PDS5B: variants seen among roughly 807,000 people sequenced by gnomAD.
PDS5B encodes sister chromatid cohesion protein PDS5 homolog B.
Under a neutral mutation model 184.1 loss-of-function variants are expected in PDS5B, and 51 were observed. That is an observed-to-expected ratio of 0.28 (90% CI 0.22 to 0.35). The LOEUF (loss-of-function observed/expected upper bound fraction) is 0.35. PDS5B is among the 10% of genes least tolerant of loss of function. PDS5B has a pLI of 1.00. For synonymous variants in PDS5B, 566 were observed against 569.2 expected (o/e 0.99, Z 0.08); for missense variants, 1,180 against 1,723.3 (o/e 0.68, Z 5.58).
intron 6 of PDS5B, among the ~76,000 whole-genome samples, chr13:32,662,748 A>G (rs1950683306): frequency 6.6e-6 from 1 of 152,144 alleles, no homozygotes; most frequent in African/African-American, 2.4e-5. Context: ...CAAGGAAGAA[A>G]GTAGTGAATA....
At chr13:32,649,529 G>A (rs1176338398) in intron 2 of PDS5B, 9 of 152,132 alleles carry the variant, frequency 5.9e-5, no homozygotes, top group Admixed American at 4.6e-4. Flanking sequence ...GAGCATTTCC[G>A]ATCGAGGTTG....
chr13:32,591,263 G>T (rs2140458855), intron 1 of PDS5B, among the ~76,000 whole-genome samples: 1 of 152,112 alleles, frequency 6.6e-6, no homozygotes, highest in East Asian at 1.9e-4. Flanking sequence ...TGAGTAACTG[G>T]GACTACAGGC....
At chr13:32,673,397 T>G (rs1360549816) in intron 8 of PDS5B, 41 bp downstream of exon 8, 3 of 1,520,744 alleles carry the variant, frequency 2.0e-6, no homozygotes, top group African/African-American at 2.8e-5. Context: ...ACCAAGTTAT[T>G]AGCAAAGAGC....
intron 1 of PDS5B, among the ~76,000 whole-genome samples, chr13:32,626,216 C>G (rs1219028737): frequency 2.0e-5 from 3 of 152,166 alleles, no homozygotes; most frequent in African/African-American, 7.2e-5. Context: ...ATAATCCCTT[C>G]CCTACTGAGT....
chr13:32,626,383 T>C (rs907118662), intron 1 of PDS5B, among the ~76,000 whole-genome samples: 1 of 152,226 alleles, frequency 6.6e-6, no homozygotes, highest in Non-Finnish European at 1.5e-5. Context: ...AAAAGAGGGC[T>C]CATCTGCTAA....
chr13:32,623,661 A>G (rs1185220747), intron 1 of PDS5B, among the ~76,000 whole-genome samples: 1 of 152,070 alleles, frequency 6.6e-6, no homozygotes, highest in African/African-American at 2.4e-5. Context: ...TGATTGTTAT[A>G]AATTTCATTT....
Position 32,766,236 on chromosome 13 carries a change from T to C in PDS5B, c.3624+1642T>C, listed in dbSNP as rs1202330882. 1.2e-4 allele frequency among the ~76,000 whole-genome samples: 18 copies of C among 152,336 alleles called. No individual in the cohort carries two copies. The East Asian group carries it at 2.9e-3, about 24-fold the overall frequency. On this transcript the variant is annotated intron_variant, in intron 31 of 34. Coordinates refer to ENST00000315596, the MANE Select transcript of PDS5B (RefSeq NM_015032.4). Reference sequence around the variant, plus strand: ...CCACACCTATAGTGTACTACACTTATACCTTGGTGTTCCCATCCCCCAAAA... The same window carrying C: ...CCACACCTATAGTGTACTACACTTACACCTTGGTGTTCCCATCCCCCAAAA...
At chr13:32,732,428 TCAAG>T (rs373241334) in intron 20 of PDS5B, among the ~76,000 whole-genome samples, 26 of 152,270 alleles carry the variant, frequency 1.7e-4, no homozygotes, top group South Asian at 4.1e-4. Flanking sequence ...GATTCAGAAA[TCAAG>T]CATTGTTTAT....
rs1593215808 is a variant in PDS5B at position 32,586,513 on chromosome 13, G to A, written c.-100G>A. 6.6e-6 allele frequency: 1 copy of A among 150,678 alleles called. No individual in the cohort carries two copies. Among genetic ancestry groups the A allele is most frequent in the African/African-American group, 2.5e-5 (1 of 40,570 alleles). 9.3% of individuals were successfully genotyped at this position (150,678 alleles called of 1,614,324 possible). On this transcript the variant is annotated 5_prime_UTR_variant, in exon 1 of 35. Transcript: ENST00000315596. ...CTGGCTGCGGAAGGGGAGGGGGGGG[G>A]AGAAGGCGATTGGATGCGGCGGCGG...
At chr13:32,607,724 C>T (rs138587740) in intron 1 of PDS5B, among the ~76,000 whole-genome samples, 338 of 152,326 alleles carry the variant, frequency 2.2e-3, no homozygotes, top group African/African-American at 7.5e-3. Context: ...TCGAGCTTCC[C>T]GGCCAACTTG....
At chr13:32,706,198 A>C (rs1362078152) in intron 17 of PDS5B, among the ~76,000 whole-genome samples, 1 of 151,908 alleles carries the variant, frequency 6.6e-6, no homozygotes, top group Non-Finnish European at 1.5e-5. Context: ...GAATTGTTTG[A>C]ACCCAGGAGG....
chr13:32,696,392 G>A (rs1056630511), intron 14 of PDS5B, among the ~76,000 whole-genome samples: 1 of 152,002 alleles, frequency 6.6e-6, no homozygotes, highest in African/African-American at 2.4e-5. Flanking sequence ...ACACTTCCCT[G>A]ATGCAACCCG....
intron 17 of PDS5B, among the ~76,000 whole-genome samples, chr13:32,702,170 A>G (rs1593462411): frequency 2.6e-5 from 4 of 152,088 alleles, no homozygotes. Context: ...TGATTTTTTC[A>G]TCTTATGCTC....
intron 1 of PDS5B, among the ~76,000 whole-genome samples, chr13:32,645,819 A>G (rs954770514): frequency 2.0e-5 from 3 of 152,190 alleles, no homozygotes; most frequent in African/African-American, 7.2e-5. Flanking sequence ...AGCATCTTAG[A>G]AGTATCTTTT....
intron 1 of PDS5B, among the ~76,000 whole-genome samples, chr13:32,630,785 CTTACT>C (rs2058441917): frequency 7.0e-6 from 1 of 143,346 alleles, no homozygotes; most frequent in African/African-American, 2.5e-5. Flanking sequence ...AGTTCTCTTC[CTTACT>C]TTTTTTTTTT....
At position 32,745,993 on chromosome 13, in the gene PDS5B, C is replaced by T; in HGVS notation, c.2629C>T (p.Arg877Cys). 6.2e-7 allele frequency: 1 copy of T among 1,611,732 alleles called. No homozygotes were observed. ...QGKISKPDMS[R>C]LRLAAGSAIV... ...ATTTTTCAGTAAACCAGATATGTCA[C>T]GTCTGAGACTTGCTGCTGGGAGTGC... The change falls in exon 24 of 35, where the codon CGT (arginine) becomes TGT (cysteine). Residue 877 changes from arginine to cysteine, a missense_variant. Physicochemically the swap from Arg to Cys is radical, Grantham distance 180. Transcript: ENST00000315596.
At chr13:32,743,125 G>A (rs1953618272) in intron 23 of PDS5B, among the ~76,000 whole-genome samples, 1 of 151,844 alleles carries the variant, frequency 6.6e-6, no homozygotes, top group Admixed American at 6.6e-5. Context: ...TGTACCTGAA[G>A]TAAATTATTG....
rs762186155 is a variant in PDS5B, at chr13:32,758,120, T to C, written c.3090T>C (p.Ala1030=). The C allele has an allele frequency of 1.3e-6, 2 of 1,518,466 alleles. No homozygotes were observed. The highest frequency in any genetic ancestry group is 3.9e-5 in the Admixed American group (2 of 51,222). The allele number at this position is 1,518,466 out of a possible 1,614,324, so 94.1% of individuals were successfully genotyped here. The change falls in exon 27 of 35, where the codon GCT becomes GCC. Residue 1030 remains alanine, a synonymous_variant. Transcript: ENST00000315596. ...GGTTTGTTCTGGAAATATTAATGGC[T>C]AAAAATGAAAATAACAGTCACGCTT... is the stretch of plus-strand genomic sequence containing the variant. ...CLWFVLEILM[A]KNENNSHAFI...
rs373666276 is a variant in PDS5B at position 32,621,268 on chromosome 13, A to G, written c.-19-27486A>G. Among the ~76,000 whole-genome samples the G allele has an allele frequency of 3.3e-5, 5 of 152,344 alleles. No homozygotes were observed. The East Asian group carries it at 7.7e-4, about 23-fold the overall frequency. ...CACTTGAGCTCAGGAGTTTGAGAGC[A>G]GCCTGGGCAATATGGCAAAATTTTG... On this transcript the variant is annotated intron_variant, in intron 1 of 34. Coordinates refer to ENST00000315596, the MANE Select transcript of PDS5B (RefSeq NM_015032.4).
Sources: allele counts gnomAD v4.1 joint callset (sites outside exome capture counted in the v4.1 genomes callset), GRCh38; gene constraint gnomAD v4.1.1; transcripts MANE v1.5; gene names NCBI Gene and HGNC (gene_info 2026-07-23, HGNC 2026-07-21).